HERC2: variants seen among roughly 807,000 people sequenced by gnomAD.
The protein encoded by HERC2 is HECT and RLD domain containing E3 ubiquitin protein ligase 2.
A neutral mutation model predicts 537.7 loss-of-function variants in HERC2; 102 were observed. That is an observed-to-expected ratio of 0.19 (90% confidence interval 0.16 to 0.22). HERC2 has a LOEUF of 0.22. Among genes scored for constraint, HERC2 ranks in the 10% least tolerant of loss-of-function variants. The pLI, the probability that HERC2 is intolerant of heterozygous loss-of-function variation, is 1.00. For synonymous variants in HERC2, 2,224 were observed against 2,466.2 expected (o/e 0.90, Z 2.91); for missense variants, 4,236 against 6,198.2 (o/e 0.68, Z 10.63).
At chr15:28,168,985 A>G (rs1894430664) in intron 66 of HERC2, among the ~76,000 whole-genome samples, 1 of 152,236 alleles carries the variant, frequency 6.6e-6, no homozygotes, top group Non-Finnish European at 1.5e-5. Flanking sequence ...AATGGCCTCT[A>G]CTGAATGACT....
chr15:28,116,116 C>G (rs1027053872), intron 88 of HERC2, among the ~76,000 whole-genome samples: 1 of 152,234 alleles, frequency 6.6e-6, no homozygotes, highest in African/African-American at 2.4e-5. Context: ...TTCCGACGGT[C>G]CACCACCGTC....
At chr15:28,262,618 C>T (rs1257445822) in intron 15 of HERC2, among the ~76,000 whole-genome samples, 1 of 152,128 alleles carries the variant, frequency 6.6e-6, no homozygotes, top group African/African-American at 2.4e-5. Flanking sequence ...CAGAGGGAAC[C>T]CTTACTGAGT....
intron 14 of HERC2, 135 bp from the exon 15 acceptor site, chr15:28,263,304 G>T (rs1163617336): frequency 2.2e-6 from 2 of 907,496 alleles, no homozygotes; most frequent in South Asian, 1.9e-5. Context: ...TACAAGGGTG[G>T]CTACTGAGCA....
intron 2 of HERC2, among the ~76,000 whole-genome samples, chr15:28,320,810 G>T (rs148632780): frequency 0.095 from 14,478 of 151,728 alleles, 611 homozygotes; most frequent in East Asian, 0.26. Context: ...AAAAAATTAG[G>T]ATCTAAGGCC....
chr15:28,277,225 A>G (rs1169597731), intron 5 of HERC2, among the ~76,000 whole-genome samples: 1 of 152,220 alleles, frequency 6.6e-6, no homozygotes, highest in African/African-American at 2.4e-5. Context: ...TTGTCCATGT[A>G]CCAATTGCAG....
In HERC2 at chr15:28,191,216, T is replaced by C. The variant is rs768733240; in HGVS notation, c.8480A>G (p.Asp2827Gly). The C allele has an allele frequency of 6.2e-7, 1 of 1,613,272 alleles. No homozygotes were observed. Among genetic ancestry groups the C allele is most frequent in the Non-Finnish European group, 8.5e-7 (1 of 1,179,716 alleles). Reference sequence around the variant, plus strand: ...CATTTTTAATCTATGAACAAGAACATCTGGGAAAATCTCCAAACGAATCCA... The same window carrying C: ...CATTTTTAATCTATGAACAAGAACACCTGGGAAAATCTCCAAACGAATCCA... Reference protein sequence around the residue: ...KHWIRLEIFPDVLVHRLKMIV... With the variant: ...KHWIRLEIFPGVLVHRLKMIV... The change falls in exon 54 of 93, where the codon GAT becomes GGT. Residue 2827 changes from aspartate (D) to glycine (G), a missense_variant. Asp to Gly is a moderately conservative substitution (Grantham distance 94). Around this residue, in one of 27 missense-constraint regions of HERC2, gnomAD observed 606 missense variants for 884.5 expected, o/e 0.69. Coordinates refer to ENST00000261609, the MANE Select transcript of HERC2 (RefSeq NM_004667.6).
intron 38 of HERC2, among the ~76,000 whole-genome samples, chr15:28,216,881 ACTC>A (rs57747092): frequency 0.082 from 12,206 of 148,688 alleles, 1,016 homozygotes; most frequent in African/African-American, 0.29. Context: ...ATGCACTCAC[ACTC>A]CTCAACACTA....
chr15:28,128,180 A>G (rs1401671563), intron 83 of HERC2, among the ~76,000 whole-genome samples: 1 of 152,250 alleles, frequency 6.6e-6, no homozygotes, highest in Non-Finnish European at 1.5e-5. Context: ...GAGGAAGTGA[A>G]ACGATGATGC....
intron 69 of HERC2, among the ~76,000 whole-genome samples, chr15:28,160,230 T>C (rs772943748): frequency 8.5e-5 from 13 of 152,162 alleles, no homozygotes; most frequent in Non-Finnish European, 1.3e-4. Context: ...TCAAACTCCG[T>C]TCTGGGAGAA....
chr15:28,134,492 A>AGT (rs1245813953), intron 79 of HERC2, among the ~76,000 whole-genome samples: 1 of 152,154 alleles, frequency 6.6e-6, no homozygotes, highest in Non-Finnish European at 1.5e-5. Flanking sequence ...AACCTGTTGC[A>AGT]CAATGTTGAA....
intron 5 of HERC2, among the ~76,000 whole-genome samples, chr15:28,277,803 T>A (rs1019288251): frequency 6.6e-6 from 1 of 152,108 alleles, no homozygotes; most frequent in Non-Finnish European, 1.5e-5. Context: ...AAAACTATTT[T>A]CAAAAATACA....
chr15:28,296,083 A>AT (rs35299892), intron 3 of HERC2, among the ~76,000 whole-genome samples: 90,990 of 152,082 alleles, frequency 0.6, 34,125 homozygotes, highest in Non-Finnish European at 0.84. Context: ...GAATGTCAAA[A>AT]TATCTCCCTA....
intron 53 of HERC2, 58 bp from the exon 54 acceptor site, chr15:28,191,302 TACTA>T: frequency 9.4e-7 from 1 of 1,066,166 alleles, no homozygotes; most frequent in Non-Finnish European, 1.4e-6. Flanking sequence ...ATATTTTAGC[TACTA>T]CAATAGTATC....
intron 23 of HERC2, among the ~76,000 whole-genome samples, chr15:28,244,990 T>C (rs928362412): frequency 4.6e-4 from 70 of 152,116 alleles, no homozygotes; most frequent in African/African-American, 1.6e-3. Flanking sequence ...ACTCAAAACA[T>C]TGAGAAGATA....
rs1218499627 is a variant in HERC2, at chr15:28,310,436, C to A, written c.73-10920G>T. ...CTCCAGCCTGGGCAATAGAGCAAGA[C>A]CCTATCAAAAAAAAATTTTAATTTA... On this transcript the variant is annotated intron_variant, in intron 2 of 92. Transcript: ENST00000261609. 3.3e-5 allele frequency among the ~76,000 whole-genome samples: 5 copies of A among 150,996 alleles called. No homozygotes were observed. The East Asian group carries it at 7.7e-4, about 23-fold the overall frequency.
chr15:28,154,407 A>G (rs1206658826), intron 69 of HERC2, among the ~76,000 whole-genome samples: 1 of 152,218 alleles, frequency 6.6e-6, no homozygotes, highest in Non-Finnish European at 1.5e-5. Context: ...CATCTTGCCA[A>G]CCTGGCAAGG....
intron 78 of HERC2, among the ~76,000 whole-genome samples, chr15:28,139,069 C>T (rs1453888138): frequency 1.3e-5 from 2 of 152,220 alleles, no homozygotes; most frequent in African/African-American, 4.8e-5. Context: ...GACTATAGTA[C>T]TTTTATATCC....
At chr15:28,199,181 T>C (rs1374502210) in intron 48 of HERC2, among the ~76,000 whole-genome samples, 1 of 150,620 alleles carries the variant, frequency 6.6e-6, no homozygotes, top group Non-Finnish European at 1.5e-5. Context: ...GCACCCAGAG[T>C]GCATTCTAAG....
At chr15:28,299,831 C>A (rs1344892735) in intron 2 of HERC2, among the ~76,000 whole-genome samples, 1 of 151,964 alleles carries the variant, frequency 6.6e-6, no homozygotes, top group Non-Finnish European at 1.5e-5. Context: ...CGGGGCACAT[C>A]ACGGGGGATC....
Sources: allele counts gnomAD v4.1 joint callset (sites outside exome capture counted in the v4.1 genomes callset), GRCh38; gene constraint gnomAD v4.1.1; regional missense constraint gnomAD v4.1.1; transcripts MANE v1.5; gene names NCBI Gene and HGNC (gene_info 2026-07-23, HGNC 2026-07-21).